Variants in RPH3AL observed in about 807,000 individuals in gnomAD.
RPH3AL encodes the protein rabphilin 3A like (without C2 domains).
RPH3AL carries 38 observed loss-of-function variants against 43.1 expected under a neutral mutation model. The observed-to-expected ratio is 0.88, with a 90% CI of 0.68 to 1.15. RPH3AL has a LOEUF of 1.15. Ranked by LOEUF, RPH3AL falls within the 50% of genes most tolerant of loss-of-function variation. The probability of loss-of-function intolerance (pLI) is 0.00; values close to 1 mark genes in which losing one functional copy is unlikely to be tolerated. For synonymous variants in RPH3AL, 189 were observed against 176.3 expected (o/e 1.07, Z -0.57); for missense variants, 462 against 423.2 (o/e 1.09, Z -0.81).
At chr17:316,552 G>A (rs567635109) in intron 5 of RPH3AL, among the ~76,000 whole-genome samples, 6 of 138,534 alleles carry the variant, frequency 4.3e-5, no homozygotes, top group East Asian at 2.3e-4. Flanking sequence ...CACCTCCACT[G>A]ACATGTAGTC....
At chr17:268,889 A>T (rs1368537780) in intron 6 of RPH3AL, among the ~76,000 whole-genome samples, 3 of 150,628 alleles carry the variant, frequency 2.0e-5, no homozygotes, top group Non-Finnish European at 4.4e-5. Context: ...ATTTATTATT[A>T]TTTTTTTGAG....
At chr17:251,488 G>A (rs1192605139) in intron 6 of RPH3AL, among the ~76,000 whole-genome samples, 1 of 152,156 alleles carries the variant, frequency 6.6e-6, no homozygotes, top group Non-Finnish European at 1.5e-5. Flanking sequence ...CACACGGAAG[G>A]CCCCAGAGTC....
intron 7 of RPH3AL, among the ~76,000 whole-genome samples, chr17:237,596 G>A (rs539834390): frequency 6.6e-5 from 10 of 152,336 alleles, no homozygotes; most frequent in East Asian, 1.9e-4. Flanking sequence ...GGGCATGGAC[G>A]TGAGGAGGAA....
Position 245,095 on chromosome 17 carries a change from A to G in RPH3AL, c.613+2016T>C, listed in dbSNP as rs2041717854. On this transcript the variant is annotated intron_variant, in intron 7 of 9. Transcript: ENST00000331302. This position sits in a 1 kb window ranked among gnomAD's most constrained non-coding sequence, Gnocchi z 5.9. ...TAAATGTGCATGCGCAAGTGTGTGT[A>G]GACGTGTGTGTACATGTGGATGTGT... Among the ~76,000 whole-genome samples the G allele has an allele frequency of 6.7e-6, 1 of 149,956 alleles. No homozygotes were observed. The highest frequency in any genetic ancestry group is 2.5e-5 in the African/African-American group (1 of 40,510).
intron 1 of RPH3AL, among the ~76,000 whole-genome samples, chr17:335,071 G>A (rs1258868585): frequency 1.3e-5 from 2 of 152,210 alleles, no homozygotes; most frequent in Admixed American, 6.5e-5. Flanking sequence ...CCAGCCACAG[G>A]GTCCGACCCA....
intron 1 of RPH3AL, among the ~76,000 whole-genome samples, chr17:343,268 G>A (rs2045164114): frequency 6.6e-6 from 1 of 152,240 alleles, no homozygotes; most frequent in Non-Finnish European, 1.5e-5. Flanking sequence ...ACTGAGGGCT[G>A]TGGAGTCAGT....
chr17:244,512 GGT>G (rs2041699138), intron 7 of RPH3AL, among the ~76,000 whole-genome samples: 1 of 152,122 alleles, frequency 6.6e-6, no homozygotes, highest in East Asian at 1.9e-4. Flanking sequence ...CGAGCAAGCT[GGT>G]GCTGTGATCA....
intron 6 of RPH3AL, among the ~76,000 whole-genome samples, chr17:267,055 C>A (rs1320226055): frequency 6.6e-6 from 1 of 152,226 alleles, no homozygotes; most frequent in Admixed American, 6.5e-5. Flanking sequence ...TCATCTCTCA[C>A]GTCACCTGTG....
rs1365018384 is a variant in RPH3AL at position 243,457 on chromosome 17, A to C, written c.613+3654T>G. Among the ~76,000 whole-genome samples the C allele has an allele frequency of 7.9e-4, 80 of 101,166 alleles. No homozygotes were observed. The South Asian group carries it at 9.8e-3, about 12-fold the overall frequency. 66.4% of individuals were successfully genotyped at this position (101,166 alleles called of 152,430 possible). On this transcript the variant is annotated intron_variant, in intron 7 of 9. Coordinates refer to ENST00000331302, the MANE Select transcript of RPH3AL (RefSeq NM_006987.4). ...TATTGATTACCTTCCTCTATTGATT[A>C]CCTTCCTCTATTGACTACCTTCCTC...
chr17:330,701 C>T (rs1279234560), intron 2 of RPH3AL, among the ~76,000 whole-genome samples: 1 of 152,046 alleles, frequency 6.6e-6, no homozygotes, highest in Non-Finnish European at 1.5e-5. Context: ...CATGGAGAAA[C>T]CCCGTCTCCA....
At chr17:282,303 C>A (rs2042800359) in intron 5 of RPH3AL, among the ~76,000 whole-genome samples, 1 of 152,188 alleles carries the variant, frequency 6.6e-6, no homozygotes, top group Admixed American at 6.5e-5. Flanking sequence ...GCCTGCGTGT[C>A]CGACAGGTCA....
intron 1 of RPH3AL, among the ~76,000 whole-genome samples, chr17:347,403 G>A (rs1262463257): frequency 1.3e-5 from 2 of 152,284 alleles, no homozygotes; most frequent in African/African-American, 4.8e-5. Context: ...TAGCACAGTG[G>A]GACTTTGTAT....
At chr17:262,345 A>G (rs1236592363) in intron 6 of RPH3AL, among the ~76,000 whole-genome samples, 1 of 152,028 alleles carries the variant, frequency 6.6e-6, no homozygotes, top group Admixed American at 6.5e-5. Flanking sequence ...CCTCCTGAGT[A>G]GCTGGGATTA....
intron 5 of RPH3AL, among the ~76,000 whole-genome samples, chr17:299,345 C>CCCCT (rs761778977): frequency 1.3e-5 from 2 of 151,994 alleles, no homozygotes; most frequent in Non-Finnish European, 2.9e-5. Flanking sequence ...CTGGGGCAGA[C>CCCCT]CCCTCCCTCC....
At position 246,420 on chromosome 17, in the gene RPH3AL, C is replaced by T. The variant is rs946405517; in HGVS notation, c.613+691G>A. ...GATCCCAGCTCGGCCACACACCTGCCGAGGAAGTCCCTCCTCTTCTCTGAG... is the reference window on the plus strand; with the variant it reads ...GATCCCAGCTCGGCCACACACCTGCTGAGGAAGTCCCTCCTCTTCTCTGAG... On this transcript the variant is annotated intron_variant, in intron 7 of 9. Coordinates refer to ENST00000331302, the MANE Select transcript of RPH3AL (RefSeq NM_006987.4). The surrounding 1 kb of genome is among the most constrained non-coding windows in gnomAD (Gnocchi z 4.8). Among the ~76,000 whole-genome samples the T allele has an allele frequency of 2.0e-5, 3 of 152,258 alleles. No homozygotes were observed. The highest frequency in any genetic ancestry group is 4.4e-5 in the Non-Finnish European group (3 of 68,022).
intron 5 of RPH3AL, among the ~76,000 whole-genome samples, chr17:298,271 C>T (rs971999089): frequency 1.4e-4 from 21 of 152,122 alleles, no homozygotes; most frequent in African/African-American, 3.1e-4. Context: ...AGCCCTCCCC[C>T]GACCCCAATC....
intron 2 of RPH3AL, chr17:331,996 G>A (rs1377528034): frequency 1.4e-6 from 1 of 707,742 alleles, no homozygotes; most frequent in Non-Finnish European, 2.1e-6. Flanking sequence ...GGCCTGGGGA[G>A]CAGAGGCAGG....
At position 290,359 on chromosome 17, in the gene RPH3AL, C is replaced by G. The variant is rs1323681052; in HGVS notation, c.352-8505G>C. On this transcript the variant is annotated intron_variant, in intron 5 of 9. Transcript: ENST00000331302. The surrounding 1 kb of genome is among the most constrained non-coding windows in gnomAD (Gnocchi z 4.2). ...GCATAAACCCAGGCTGGCCCGGCCA[C>G]AGGGGAAATGACTCCGGGAATCCTT... Among the ~76,000 whole-genome samples the G allele has an allele frequency of 6.6e-6, 1 of 151,770 alleles. No individual in the cohort carries two copies. The highest frequency in any genetic ancestry group is 1.9e-4 in the East Asian group (1 of 5,154).
Position 225,173 on chromosome 17 carries a change from T to C in RPH3AL, c.614-5437A>G, listed in dbSNP as rs2041081235. Among the ~76,000 whole-genome samples the C allele has an allele frequency of 6.6e-6, 1 of 150,932 alleles. No homozygotes were observed. On this transcript the variant is annotated intron_variant, in intron 7 of 9. Coordinates refer to ENST00000331302, the MANE Select transcript of RPH3AL (RefSeq NM_006987.4). This position sits in a 1 kb window ranked among gnomAD's most constrained non-coding sequence, Gnocchi z 4.4. ...TCAGGCCTGGCCTCTCCTTCCTCCA[T>C]CTGCTCAGAGGCTCTGCCTTTTTCT...
Sources: allele counts gnomAD v4.1 joint callset (sites outside exome capture counted in the v4.1 genomes callset), GRCh38; gene constraint gnomAD v4.1.1; non-coding constraint Gnocchi (gnomAD v3.1); transcripts MANE v1.5; gene names NCBI Gene and HGNC (gene_info 2026-07-23, HGNC 2026-07-21).